TBC1D15: variants seen among roughly 807,000 people sequenced by gnomAD.
TBC1D15 encodes the protein TBC1 domain family member 15, also known as GAP for RAB7.
A neutral mutation model predicts 95.4 loss-of-function variants in TBC1D15; 39 were observed. The observed-to-expected ratio is 0.41, with a 90% CI of 0.32 to 0.53. The LOEUF (loss-of-function observed/expected upper bound fraction) is 0.53, where lower values mean the gene tolerates loss of function less well. TBC1D15 is among the 20% of genes least tolerant of loss of function. TBC1D15 has a pLI of 0.29. For missense variants in TBC1D15, 733 were observed against 794.3 expected (o/e 0.92, Z 0.93); for synonymous variants, 258 against 261.3 (o/e 0.99, Z 0.12).
At chr12:71,871,564 C>T (rs1439709372) in intron 1 of TBC1D15, among the ~76,000 whole-genome samples, 3 of 151,168 alleles carry the variant, frequency 2.0e-5, no homozygotes, top group South Asian at 2.1e-4. Flanking sequence ...CCTTAATGCT[C>T]ATGAAAAAAA....
At chr12:71,904,255 A>G (rs1285408394) in intron 10 of TBC1D15, among the ~76,000 whole-genome samples, 1 of 152,226 alleles carries the variant, frequency 6.6e-6, no homozygotes, top group African/African-American at 2.4e-5. Context: ...TGACCATTGC[A>G]TAGAGGAATA....
At chr12:71,877,685 A>C (rs1436404982) in intron 3 of TBC1D15, among the ~76,000 whole-genome samples, 1 of 151,490 alleles carries the variant, frequency 6.6e-6, no homozygotes, top group African/African-American at 2.4e-5. Context: ...TCTTGTTCTG[A>C]GTGTCCTCGT....
intron 14 of TBC1D15, among the ~76,000 whole-genome samples, chr12:71,919,281 C>T (rs1366619067): frequency 2.0e-5 from 3 of 150,566 alleles, no homozygotes. Flanking sequence ...CTCAAGTAAT[C>T]CTCTTGCCTC....
At chr12:71,869,484 C>G (rs1366413385) in intron 1 of TBC1D15, among the ~76,000 whole-genome samples, 3 of 152,172 alleles carry the variant, frequency 2.0e-5, no homozygotes, top group African/African-American at 7.2e-5. Flanking sequence ...AATTGTGCCA[C>G]TGCACTCCAG....
intron 13 of TBC1D15, 108 bp from the exon 14 acceptor site, chr12:71,918,343 A>G: frequency 1.6e-6 from 1 of 608,592 alleles, no homozygotes; most frequent in Non-Finnish European, 2.8e-6. Flanking sequence ...ACAAATGTAT[A>G]GGGCCTTGAA....
At chr12:71,864,395 T>C (rs1396691630) in intron 1 of TBC1D15, among the ~76,000 whole-genome samples, 3 of 152,034 alleles carry the variant, frequency 2.0e-5, no homozygotes, top group African/African-American at 4.8e-5. Context: ...CATGTGTGCC[T>C]CCATTGATGT....
intron 1 of TBC1D15, chr12:71,854,657 A>G (rs1888615733): frequency 8.8e-6 from 4 of 456,554 alleles, no homozygotes; most frequent in South Asian, 6.2e-5. Flanking sequence ...GGTCATCATC[A>G]TATACATAGA....
At chr12:71,848,759 G>A (rs939665636) in intron 1 of TBC1D15, among the ~76,000 whole-genome samples, 2 of 152,146 alleles carry the variant, frequency 1.3e-5, no homozygotes, top group Non-Finnish European at 2.9e-5. Flanking sequence ...AATACATAGA[G>A]TGCTAGCTTT....
chr12:71,905,342 T>C (rs1566052463), intron 10 of TBC1D15, among the ~76,000 whole-genome samples: 2 of 152,212 alleles, frequency 1.3e-5, no homozygotes, highest in African/African-American at 2.4e-5. Flanking sequence ...TTTTTTCTTT[T>C]TGAGTCGGGG....
intron 1 of TBC1D15, among the ~76,000 whole-genome samples, chr12:71,843,025 G>A (rs569114489): frequency 8.1e-4 from 122 of 151,478 alleles, no homozygotes; most frequent in Middle Eastern, 6.9e-3. Flanking sequence ...GGTGGCTCAT[G>A]CTTGTAATCA....
Position 71,880,593 on chromosome 12 carries a change from C to T in TBC1D15, c.329C>T (p.Pro110Leu). Reference protein sequence around the residue: ...MVNTVSFKRKPHTNGDAPSHR... With the variant: ...MVNTVSFKRKLHTNGDAPSHR... ...AATACAGTTTCATTTAAAAGGAAAC[C>T]ACATACCAATGGAGGTATGAATTAA... Residue 110 changes from proline (P) to leucine (L), a missense_variant, in exon 4 of 17, where the codon CCA becomes CTA. Physicochemically the swap from Pro to Leu is moderately conservative, Grantham distance 98 (BLOSUM62 -3). Coordinates refer to ENST00000485960, the MANE Select transcript of TBC1D15 (RefSeq NM_001146213.3). 1 of 1,608,748 alleles carries T rather than the reference C, an allele frequency of 6.2e-7. No individual in the cohort carries two copies. The highest frequency in any genetic ancestry group is 8.5e-7 in the Non-Finnish European group (1 of 1,177,708).
chr12:71,881,966 G>C (rs1039083156), intron 4 of TBC1D15, among the ~76,000 whole-genome samples: 1 of 150,146 alleles, frequency 6.7e-6, no homozygotes, highest in African/African-American at 2.4e-5. Flanking sequence ...CTAAGCCCGT[G>C]GGTTCATTTC....
intron 14 of TBC1D15, among the ~76,000 whole-genome samples, chr12:71,919,795 C>G (rs2139100968): frequency 6.6e-6 from 1 of 152,228 alleles, no homozygotes; most frequent in African/African-American, 2.4e-5. Flanking sequence ...TCACCAAGGT[C>G]TGATTGAAAA....
intron 1 of TBC1D15, among the ~76,000 whole-genome samples, chr12:71,870,603 A>T (rs7136234): frequency 0.33 from 50,392 of 151,992 alleles, 10,032 homozygotes; most frequent in African/African-American, 0.56. Flanking sequence ...AACCTTTATA[A>T]TGTAGTGGCT....
chr12:71,896,156 G>C, intron 8 of TBC1D15, 81 bp downstream of exon 8: 2 of 1,215,558 alleles, frequency 1.6e-6, no homozygotes, highest in Non-Finnish European at 2.2e-6. Flanking sequence ...CTGTTTTGGT[G>C]TGTTTTTTTT....
At chr12:71,883,073 C>T (rs928774636) in intron 4 of TBC1D15, among the ~76,000 whole-genome samples, 17 of 151,518 alleles carry the variant, frequency 1.1e-4, no homozygotes, top group East Asian at 3.9e-4. Flanking sequence ...CTCTGTGCAA[C>T]GAAGAATTTA....
At chr12:71,862,218 AT>A (rs138801396) in intron 1 of TBC1D15, among the ~76,000 whole-genome samples, 48 of 148,292 alleles carry the variant, frequency 3.2e-4, no homozygotes, top group African/African-American at 4.9e-4. Context: ...GCTTAAATCC[AT>A]TTTTTTTTTC....
intron 1 of TBC1D15, chr12:71,854,437 T>C (rs1888551332): frequency 2.5e-6 from 1 of 406,812 alleles, no homozygotes; most frequent in African/African-American, 2.1e-5. Flanking sequence ...AGGCTGAATG[T>C]TTGTGTTCCA....
intron 1 of TBC1D15, among the ~76,000 whole-genome samples, chr12:71,857,123 G>C (rs1351510988): frequency 6.6e-6 from 1 of 151,018 alleles, no homozygotes; most frequent in East Asian, 1.9e-4. Context: ...TTTTTCTTAA[G>C]AGATGGGGGT....
Sources: allele counts gnomAD v4.1 joint callset (sites outside exome capture counted in the v4.1 genomes callset), GRCh38; gene constraint gnomAD v4.1.1; transcripts MANE v1.5; gene names NCBI Gene and HGNC (gene_info 2026-07-23, HGNC 2026-07-21).